Variants in GPM6A observed in about 807,000 individuals in gnomAD.
GPM6A encodes the protein neuronal membrane glycoprotein M6-a.
Under a neutral mutation model 32.1 loss-of-function variants are expected in GPM6A, and 7 were observed. The observed-to-expected ratio is 0.22, with a 90% confidence interval of 0.12 to 0.41. The LOEUF (loss-of-function observed/expected upper bound fraction) is 0.41. GPM6A is among the 10% of genes least tolerant of loss of function. The pLI is 1.00. For missense variants in GPM6A, 235 were observed against 347.2 expected, an observed-to-expected ratio of 0.68 and a Z score of 2.57; for synonymous variants, 130 against 123.4, an observed-to-expected ratio of 1.05 and a Z score of -0.35.
intron 1 of GPM6A, among the ~76,000 whole-genome samples, chr4:175,734,263 C>T (rs1349658277): frequency 2.6e-5 from 4 of 151,786 alleles, no homozygotes; most frequent in Non-Finnish European, 5.9e-5. Context: ...GTTCCCTTGT[C>T]TTTAGCTGTT....
intron 1 of GPM6A, among the ~76,000 whole-genome samples, chr4:175,840,446 G>A: frequency 6.6e-6 from 1 of 152,202 alleles, no homozygotes; most frequent in East Asian, 1.9e-4. Flanking sequence ...GGGAGACCGA[G>A]GCGGACGGAT....
At chr4:175,725,993 CT>C (rs377474451) in intron 1 of GPM6A, among the ~76,000 whole-genome samples, 1,246 of 121,892 alleles carry the variant, frequency 0.01, 12 homozygotes, top group African/African-American at 0.029. Context: ...CCTGTTTCTT[CT>C]TTTTTTTTTT....
chr4:175,928,277 A>G (rs1021675974), intron 1 of GPM6A, among the ~76,000 whole-genome samples: 2 of 152,238 alleles, frequency 1.3e-5, no homozygotes, highest in African/African-American at 4.8e-5. Context: ...GACTTAGGAC[A>G]AGAATGTTGC....
chr4:175,962,090 C>T (rs1740184369), intron 1 of GPM6A: 1 of 741,040 alleles, frequency 1.3e-6, no homozygotes, highest in Non-Finnish European at 2.5e-6. Context: ...AAGTCTTTGG[C>T]CCTACAATAG....
At chr4:175,787,098 T>G (rs184312747) in intron 1 of GPM6A, among the ~76,000 whole-genome samples, 35 of 152,310 alleles carry the variant, frequency 2.3e-4, no homozygotes, top group East Asian at 9.6e-4. Context: ...TGTTCTTTTT[T>G]TTGTTGTTGT....
At chr4:175,862,496 T>C (rs896541506) in intron 1 of GPM6A, among the ~76,000 whole-genome samples, 2 of 152,248 alleles carry the variant, frequency 1.3e-5, no homozygotes, top group African/African-American at 4.8e-5. Context: ...AGTGTTCTCA[T>C]TGTGTTAATT....
At chr4:175,924,358 C>T (rs1738763292) in intron 1 of GPM6A, among the ~76,000 whole-genome samples, 1 of 152,184 alleles carries the variant, frequency 6.6e-6, no homozygotes, top group South Asian at 2.1e-4. Flanking sequence ...CTTTGATGCT[C>T]CTGCCATTCC....
chr4:175,712,022 G>GAC (rs145054148), intron 1 of GPM6A, among the ~76,000 whole-genome samples: 9 of 151,494 alleles, frequency 5.9e-5, no homozygotes, highest in East Asian at 1.9e-4. Context: ...ACAGTTTAAA[G>GAC]ACACACACAC....
chr4:175,906,791 G>A (rs1171123533), intron 1 of GPM6A: 1 of 152,112 alleles, frequency 6.6e-6, no homozygotes, highest in Non-Finnish European at 1.5e-5. Flanking sequence ...ATTCTACCCT[G>A]ATGAGAACCC....
intron 1 of GPM6A, among the ~76,000 whole-genome samples, chr4:175,737,285 C>T (rs1461538475): frequency 7.9e-5 from 12 of 152,092 alleles, no homozygotes; most frequent in African/African-American, 2.7e-4. Flanking sequence ...TTCTGCAGGT[C>T]GTACAATCCT....
chr4:175,667,581 T>C (rs1742821285), intron 3 of GPM6A, among the ~76,000 whole-genome samples: 1 of 152,298 alleles, frequency 6.6e-6, no homozygotes, highest in Non-Finnish European at 1.5e-5. Flanking sequence ...AGTGTATCAC[T>C]ATTGGTTCAT....
chr4:175,764,459 T>G (rs2111217431), intron 1 of GPM6A, among the ~76,000 whole-genome samples: 1 of 152,316 alleles, frequency 6.6e-6, no homozygotes, highest in Non-Finnish European at 1.5e-5. Context: ...GCTATGATTT[T>G]AGCAGTACAT....
chr4:175,878,214 C>A (rs933365777), intron 1 of GPM6A, among the ~76,000 whole-genome samples: 1 of 152,158 alleles, frequency 6.6e-6, no homozygotes, highest in African/African-American at 2.4e-5. Context: ...GTACATGGTA[C>A]AAGCCGTCAG....
At chr4:175,664,866 A>G (rs1742647924) in intron 3 of GPM6A, among the ~76,000 whole-genome samples, 1 of 152,228 alleles carries the variant, frequency 6.6e-6, no homozygotes, top group African/African-American at 2.4e-5. Context: ...ACATCCTAAT[A>G]TATACTTACA....
At chr4:175,716,182 T>A (rs1378758724) in intron 1 of GPM6A, among the ~76,000 whole-genome samples, 1 of 152,218 alleles carries the variant, frequency 6.6e-6, no homozygotes, top group African/African-American at 2.4e-5. Context: ...TTGAAAAATA[T>A]GTCTCAACAA....
chr4:175,740,333 A>G (rs898449772), intron 1 of GPM6A, among the ~76,000 whole-genome samples: 1 of 152,110 alleles, frequency 6.6e-6, no homozygotes, highest in Non-Finnish European at 1.5e-5. Context: ...TTTGGATGAT[A>G]ACTTGTATTT....
intron 3 of GPM6A, among the ~76,000 whole-genome samples, chr4:175,653,288 A>G (rs1741904532): frequency 6.6e-6 from 1 of 152,124 alleles, no homozygotes; most frequent in Admixed American, 6.6e-5. Flanking sequence ...GAGGCAGGAG[A>G]TCAAACCTTT....
chr4:175,900,510 A>G (rs1408071359), intron 1 of GPM6A, among the ~76,000 whole-genome samples: 2 of 147,442 alleles, frequency 1.4e-5, no homozygotes, highest in Non-Finnish European at 3.0e-5. Context: ...AAAAAAAAGC[A>G]TATGAAAAAG....
intron 1 of GPM6A, among the ~76,000 whole-genome samples, chr4:175,851,378 T>C (rs1579566863): frequency 6.6e-6 from 1 of 150,814 alleles, no homozygotes; most frequent in East Asian, 2.0e-4. Flanking sequence ...CCAGCTACTC[T>C]GGAGGCTGAG....
Sources: allele counts gnomAD v4.1 joint callset (sites outside exome capture counted in the v4.1 genomes callset), GRCh38; gene constraint gnomAD v4.1.1; transcripts MANE v1.5; gene names NCBI Gene and HGNC (gene_info 2026-07-23, HGNC 2026-07-21).